Variants in GADL1 observed in about 807,000 individuals in gnomAD.
GADL1 encodes acidic amino acid decarboxylase GADL1.
In GADL1, 71 loss-of-function variants were observed where a neutral mutation model predicts 69.5. That is an observed-to-expected ratio of 1.02 (90% confidence interval 0.84 to 1.25). The LOEUF (loss-of-function observed/expected upper bound fraction) is 1.25. Ranked by LOEUF, GADL1 falls within the 50% of genes most tolerant of loss-of-function variation. The probability of loss-of-function intolerance (pLI) is 0.00; values close to 1 mark genes in which losing one functional copy is unlikely to be tolerated. For synonymous variants in GADL1, 254 were observed against 214.4 expected, an observed-to-expected ratio of 1.18 and a Z score of -1.62; for missense variants, 737 against 631.8, an observed-to-expected ratio of 1.17 and a Z score of -1.79.
In GADL1 at chr3:30,888,236, TA is replaced by T. The variant is rs571481335; in HGVS notation, c.37+6341del. ...TCAAAATCAGGATGCTGGTTACTTATAGGGGAGAAAAGAGCTCTGGGAATGG... is the reference window on the plus strand; with the variant it reads ...TCAAAATCAGGATGCTGGTTACTTATGGGGAGAAAAGAGCTCTGGGAATGG... On this transcript the variant is annotated intron_variant, in intron 1 of 14. Coordinates refer to ENST00000282538, the MANE Select transcript of GADL1 (RefSeq NM_207359.3). Among the ~76,000 whole-genome samples, 5 of 152,270 alleles carry T rather than the reference TA, an allele frequency of 3.3e-5. No individual in the cohort carries two copies. The East Asian group carries it at 9.6e-4, about 29-fold the overall frequency.
At chr3:30,826,684 T>C (rs1033018536) in intron 11 of GADL1, among the ~76,000 whole-genome samples, 8 of 151,456 alleles carry the variant, frequency 5.3e-5, no homozygotes, top group Non-Finnish European at 8.8e-5. Context: ...AATGTCATTC[T>C]GTTCATTAGA....
chr3:30,856,185 C>T (rs1010883844), intron 3 of GADL1, among the ~76,000 whole-genome samples: 2 of 152,000 alleles, frequency 1.3e-5, no homozygotes, highest in African/African-American at 2.4e-5. Context: ...TATTTTTAGC[C>T]AGAATTTTAC....
chr3:30,762,297 T>A (rs907257899), intron 14 of GADL1, among the ~76,000 whole-genome samples: 1 of 152,188 alleles, frequency 6.6e-6, no homozygotes, highest in African/African-American at 2.4e-5. Flanking sequence ...TGAGGACATA[T>A]GCTTTAAAAG....
At chr3:30,742,014 G>C (rs769152213) in intron 14 of GADL1, among the ~76,000 whole-genome samples, 1 of 152,172 alleles carries the variant, frequency 6.6e-6, no homozygotes, top group Non-Finnish European at 1.5e-5. Flanking sequence ...TAGGTGCTCT[G>C]ATTGACAGCT....
At chr3:30,737,654 G>T (rs1169194637) in intron 14 of GADL1, among the ~76,000 whole-genome samples, 4 of 152,012 alleles carry the variant, frequency 2.6e-5, no homozygotes, top group African/African-American at 9.7e-5. Context: ...ATGTAAAATT[G>T]GTGGTCTATA....
intron 14 of GADL1, among the ~76,000 whole-genome samples, chr3:30,769,433 G>T (rs1034029545): frequency 3.3e-5 from 5 of 152,108 alleles, no homozygotes; most frequent in Admixed American, 3.3e-4. Context: ...AAAGAGGGAA[G>T]CTGAGGATGA....
intron 11 of GADL1, among the ~76,000 whole-genome samples, chr3:30,827,177 T>G (rs1486919818): frequency 6.6e-6 from 1 of 151,438 alleles, no homozygotes; most frequent in Non-Finnish European, 1.5e-5. Context: ...TCAGGAAACA[T>G]TTTTTAATTG....
At chr3:30,841,961 G>A (rs1170920855) in intron 8 of GADL1, among the ~76,000 whole-genome samples, 1 of 152,176 alleles carries the variant, frequency 6.6e-6, no homozygotes, top group African/African-American at 2.4e-5. Flanking sequence ...ATGGTGCAGA[G>A]GAGGTGAGCA....
intron 14 of GADL1, among the ~76,000 whole-genome samples, chr3:30,769,104 GTACTT>G (rs1696355989): frequency 6.6e-6 from 1 of 152,048 alleles, no homozygotes; most frequent in African/African-American, 2.4e-5. Flanking sequence ...TCACAGTACT[GTACTT>G]TATTTTCTCT....
At chr3:30,866,810 T>A (rs146880994) in intron 1 of GADL1, among the ~76,000 whole-genome samples, 1 of 152,184 alleles carries the variant, frequency 6.6e-6, no homozygotes, top group East Asian at 1.9e-4. Context: ...TTATACCAGA[T>A]TATAAACCTA....
intron 14 of GADL1, among the ~76,000 whole-genome samples, chr3:30,748,130 GT>G (rs1339988103): frequency 6.6e-6 from 1 of 152,146 alleles, no homozygotes; most frequent in Non-Finnish European, 1.5e-5. Flanking sequence ...ATGACTTGGT[GT>G]TTTCTCACCT....
intron 13 of GADL1, among the ~76,000 whole-genome samples, chr3:30,779,360 T>C (rs1696608155): frequency 6.6e-6 from 1 of 152,250 alleles, no homozygotes; most frequent in South Asian, 2.1e-4. Flanking sequence ...GTTGCAACAG[T>C]TCTCAATAAC....
At chr3:30,767,869 A>G (rs1242558797) in intron 14 of GADL1, among the ~76,000 whole-genome samples, 1 of 152,210 alleles carries the variant, frequency 6.6e-6, no homozygotes, top group Admixed American at 6.5e-5. Context: ...CCTTATTCAA[A>G]TTTATAAGGA....
intron 1 of GADL1, among the ~76,000 whole-genome samples, chr3:30,870,333 T>G (rs937236967): frequency 6.6e-6 from 1 of 151,600 alleles, no homozygotes; most frequent in African/African-American, 2.4e-5. Context: ...ACACGAAAGA[T>G]ATGGAAAGAG....
intron 9 of GADL1, among the ~76,000 whole-genome samples, chr3:30,834,975 T>A (rs1365668951): frequency 6.6e-6 from 1 of 152,114 alleles, no homozygotes; most frequent in Non-Finnish European, 1.5e-5. Context: ...GGTGCAGACA[T>A]AAATTTTAAT....
chr3:30,729,478 G>A (rs1418760071), intron 14 of GADL1, among the ~76,000 whole-genome samples: 1 of 152,156 alleles, frequency 6.6e-6, no homozygotes, highest in Non-Finnish European at 1.5e-5. Context: ...TACTCCTCCA[G>A]AAGGGAGGAG....
chr3:30,844,183 T>C, intron 8 of GADL1, 27 bp downstream of exon 8: 1 of 1,592,928 alleles, frequency 6.3e-7, no homozygotes, highest in East Asian at 2.2e-5. Context: ...ACACGTTCTC[T>C]CTCCCTCTCG....
At chr3:30,853,429 T>G (rs989601064) in intron 4 of GADL1, among the ~76,000 whole-genome samples, 1 of 152,172 alleles carries the variant, frequency 6.6e-6, no homozygotes, top group Non-Finnish European at 1.5e-5. Flanking sequence ...CCATTTCAAT[T>G]ACCATAATTT....
intron 11 of GADL1, among the ~76,000 whole-genome samples, chr3:30,825,090 T>C (rs1357470310): frequency 2.0e-5 from 3 of 151,930 alleles, no homozygotes; most frequent in Admixed American, 6.6e-5. Context: ...CCTAAAGGTA[T>C]GTTTGCTGTG....
Sources: allele counts gnomAD v4.1 joint callset (sites outside exome capture counted in the v4.1 genomes callset), GRCh38; gene constraint gnomAD v4.1.1; transcripts MANE v1.5; gene names NCBI Gene and HGNC (gene_info 2026-07-23, HGNC 2026-07-21).